The following RAMP1 variants were observed in gnomAD, a reference collection of about 807,000 sequenced individuals.
The protein encoded by RAMP1 is receptor activity-modifying protein 1.
In RAMP1, 7 loss-of-function variants were observed where a neutral mutation model predicts 8.2. The ratio of observed to expected loss-of-function variants is 0.85; its 90% CI spans 0.49 to 1.60. The LOEUF (loss-of-function observed/expected upper bound fraction) is 1.60. Ranked by LOEUF, RAMP1 falls within the 40% of genes most tolerant of loss-of-function variation. The pLI is 0.00. For missense variants in RAMP1, 192 were observed against 202.4 expected, an observed-to-expected ratio of 0.95 and a Z score of 0.31; for synonymous variants, 92 against 84.7, an observed-to-expected ratio of 1.09 and a Z score of -0.47.
At chr2:237,864,515 C>T (rs1240046632) in intron 1 of RAMP1, among the ~76,000 whole-genome samples, 1 of 152,134 alleles carries the variant, frequency 6.6e-6, no homozygotes, top group Non-Finnish European at 1.5e-5. Flanking sequence ...GAGGGAATGC[C>T]GGGAAAGCGC....
chr2:237,879,077 T>G (rs1197954816), intron 2 of RAMP1, among the ~76,000 whole-genome samples: 1 of 152,220 alleles, frequency 6.6e-6, no homozygotes, highest in Admixed American at 6.5e-5. Context: ...AAGAGGTTGT[T>G]AAAAATCAGA....
In RAMP1 at chr2:237,878,741, T is replaced by C. The variant is rs990012002; in HGVS notation, c.191+1379T>C. 1.3e-5 allele frequency among the ~76,000 whole-genome samples: 2 copies of C among 152,234 alleles called. No individual in the cohort carries two copies. The highest frequency in any genetic ancestry group is 4.8e-5 in the African/African-American group (2 of 41,462). On this transcript the variant is annotated intron_variant, in intron 2 of 2. Transcript: ENST00000254661. The surrounding 1 kb of genome is among the most constrained non-coding windows in gnomAD (Gnocchi z 5.7). Reference sequence around the variant, plus strand: ...GTGCACTGTTGTTGAGGCGACTCTGTACCTTGGGAGCCCAAACTTTTTAAA... The same window carrying C: ...GTGCACTGTTGTTGAGGCGACTCTGCACCTTGGGAGCCCAAACTTTTTAAA...
chr2:237,859,698 T>TC lies in RAMP1; in HGVS notation c.26dup (p.Arg10AlafsTer22). On this transcript the variant is annotated frameshift_variant, in exon 1 of 3. Coordinates refer to ENST00000254661, the MANE Select transcript of RAMP1 (RefSeq NM_005855.4). LOFTEE classifies it high-confidence loss of function. ...ACCATGGCCCGGGCCCTGTGCCGCCTCCCGCGGCGCGGCCTCTGGCTGCTC... is the reference window on the plus strand; with the variant it reads ...ACCATGGCCCGGGCCCTGTGCCGCCTCCCCGCGGCGCGGCCTCTGGCTGCTC... The TC allele has an allele frequency of 6.6e-7, 1 of 1,512,070 alleles. No homozygotes were observed. Among genetic ancestry groups the TC allele is most frequent in the South Asian group, 1.3e-5 (1 of 79,896 alleles). The allele number at this position is 1,512,070 out of a possible 1,614,324, so 93.7% of individuals were successfully genotyped here. A position where few individuals can be genotyped will look rare whatever the true frequency, so the allele number is the denominator to read the frequency against.
intron 2 of RAMP1, among the ~76,000 whole-genome samples, chr2:237,884,005 A>G (rs2062402433): frequency 6.9e-6 from 1 of 144,294 alleles, no homozygotes; most frequent in South Asian, 2.2e-4. Flanking sequence ...ATCTGCACGC[A>G]GGTGCTTGCT....
At chr2:237,895,730 G>A (rs942649230) in intron 2 of RAMP1, among the ~76,000 whole-genome samples, 19 of 92 alleles carry the variant, frequency 0.21, no homozygotes, top group African/African-American at 0.17. Flanking sequence ...GCTTTGGGCC[G>A]GCTGGCTGGG....
At chr2:237,893,456 G>T (rs935282168) in intron 2 of RAMP1, among the ~76,000 whole-genome samples, 1 of 152,150 alleles carries the variant, frequency 6.6e-6, no homozygotes, top group South Asian at 2.1e-4. Flanking sequence ...TGAGGTTTCC[G>T]GACATGGTTC....
chr2:237,909,197 C>T (rs548223424), intron 2 of RAMP1, among the ~76,000 whole-genome samples: 33 of 152,244 alleles, frequency 2.2e-4, no homozygotes, highest in Non-Finnish European at 4.4e-4. Context: ...ATCTGGCCAC[C>T]GAGGGCGAGG....
chr2:237,874,176 C>T (rs942629204), intron 1 of RAMP1, among the ~76,000 whole-genome samples: 2 of 152,220 alleles, frequency 1.3e-5, no homozygotes, highest in African/African-American at 4.8e-5. Flanking sequence ...CTAGAACTGG[C>T]TGGGCTGCAG....
chr2:237,874,303 C>T (rs1050291026), intron 1 of RAMP1, among the ~76,000 whole-genome samples: 12 of 152,322 alleles, frequency 7.9e-5, no homozygotes, highest in African/African-American at 1.2e-4. Context: ...GTGAAAGGAC[C>T]GCTGTCATTG....
Position 237,859,702 on chromosome 2 carries a change from G to C in RAMP1, c.27G>C (p.Pro9=). The C allele has an allele frequency of 6.6e-7, 1 of 1,512,054 alleles. No homozygotes were observed. The highest frequency in any genetic ancestry group is 8.8e-7 in the Non-Finnish European group (1 of 1,130,982). The allele number at this position is 1,512,054 out of a possible 1,614,324, so 93.7% of individuals were successfully genotyped here. Residue 9 remains proline (P), a synonymous_variant, in exon 1 of 3, where the codon CCG becomes CCC. Coordinates refer to ENST00000254661, the MANE Select transcript of RAMP1 (RefSeq NM_005855.4). Reference sequence around the variant, plus strand: ...TGGCCCGGGCCCTGTGCCGCCTCCCGCGGCGCGGCCTCTGGCTGCTCCTGG... The same window carrying C: ...TGGCCCGGGCCCTGTGCCGCCTCCCCCGGCGCGGCCTCTGGCTGCTCCTGG... MARALCRL[P]RRGLWLLLAH... is the part of the protein sequence containing the mutation.
At chr2:237,889,274 A>G (rs2062466170) in intron 2 of RAMP1, among the ~76,000 whole-genome samples, 1 of 152,146 alleles carries the variant, frequency 6.6e-6, no homozygotes. Flanking sequence ...TGTCGTCTCA[A>G]TTGTGAGAGT....
upstream of RAMP1, chr2:237,859,420 C>G (rs2062109571): frequency 6.5e-6 from 1 of 154,676 alleles, no homozygotes; most frequent in African/African-American, 2.4e-5. Context: ...TTCCTGGGAC[C>G]CCAAGTGTGC....
chr2:237,880,771 A>G (rs1049170998), intron 2 of RAMP1, among the ~76,000 whole-genome samples: 3 of 152,124 alleles, frequency 2.0e-5, no homozygotes, highest in Non-Finnish European at 4.4e-5. Context: ...CCCCACCCCC[A>G]GCATCAAGGA....
chr2:237,894,284 A>G (rs2062515693), intron 2 of RAMP1, among the ~76,000 whole-genome samples: 1 of 152,182 alleles, frequency 6.6e-6, no homozygotes, highest in South Asian at 2.1e-4. Flanking sequence ...AGTAGTTTTT[A>G]ATTAGGATAT....
chr2:237,900,070 T>G (rs889225269), intron 2 of RAMP1, among the ~76,000 whole-genome samples: 2 of 152,218 alleles, frequency 1.3e-5, no homozygotes, highest in African/African-American at 4.8e-5. Flanking sequence ...GTATCCCAAT[T>G]CACTGAGGAT....
At chr2:237,907,153 T>A (rs969639908) in intron 2 of RAMP1, among the ~76,000 whole-genome samples, 2 of 152,238 alleles carry the variant, frequency 1.3e-5, no homozygotes, top group African/African-American at 4.8e-5. Context: ...AAGCCTCTGA[T>A]AAGAAATTAA....
intron 2 of RAMP1, among the ~76,000 whole-genome samples, chr2:237,883,165 C>T (rs997149275): frequency 6.6e-6 from 1 of 152,144 alleles, no homozygotes; most frequent in Admixed American, 6.5e-5. Flanking sequence ...TGGGCCAGAG[C>T]TGCCACATGC....
chr2:237,864,854 G>C (rs1184556654), intron 1 of RAMP1, among the ~76,000 whole-genome samples: 1 of 151,850 alleles, frequency 6.6e-6, no homozygotes, highest in African/African-American at 2.4e-5. Context: ...CAGTCCAGAG[G>C]GCAGAGGGCA....
chr2:237,893,976 T>TTTC (rs1322685570), intron 2 of RAMP1, among the ~76,000 whole-genome samples: 1 of 144,006 alleles, frequency 6.9e-6, no homozygotes, highest in Non-Finnish European at 1.5e-5. Context: ...CTTTCTTTTT[T>TTTC]TTTTTTTTTT....
Sources: gnomAD v4.1 joint callset for allele counts (sites outside exome capture counted in the v4.1 genomes callset) on GRCh38, gnomAD v4.1.1 for gene constraint, Gnocchi (gnomAD v3.1) non-coding constraint, MANE v1.5 for transcripts, NCBI Gene and HGNC (gene_info 2026-07-23, HGNC 2026-07-21) for gene names.